AGBL5: variants seen among roughly 807,000 people sequenced by gnomAD.
The protein encoded by AGBL5 is cytosolic carboxypeptidase-like protein 5.
AGBL5 carries 51 observed loss-of-function variants against 88.0 expected under a neutral mutation model. The ratio of observed to expected loss-of-function variants is 0.58; its 90% confidence interval spans 0.46 to 0.73. The LOEUF (loss-of-function observed/expected upper bound fraction) is 0.73, where lower values mean the gene tolerates loss of function less well. Ranked by LOEUF, AGBL5 falls within the 30% of genes least tolerant of loss-of-function variation. AGBL5 has a pLI of 0.00. For synonymous variants in AGBL5, 446 were observed against 438.8 expected (o/e 1.02, Z -0.21); for missense variants, 1,031 against 1,162.2 (o/e 0.89, Z 1.64).
chr2:27,058,325 T>G (rs1485862372), intron 9 of AGBL5, 75 bp from the exon 10 acceptor site: 9 of 1,543,976 alleles, frequency 5.8e-6, no homozygotes, highest in Non-Finnish European at 8.0e-6. Flanking sequence ...CCTTCCACTG[T>G]GCTGTGTACC....
Position 27,057,319 on chromosome 2 carries a change from A to AACT in AGBL5, c.1555_1557dup (p.Tyr519dup), listed in dbSNP as rs1558416716. 6.2e-7 allele frequency: 1 copy of AACT among 1,613,630 alleles called. No homozygotes were observed. Among genetic ancestry groups the AACT allele is most frequent in the Non-Finnish European group, 8.5e-7 (1 of 1,179,778 alleles). On this transcript the variant is annotated inframe_insertion, in exon 9 of 15. Coordinates refer to ENST00000360131, the MANE Select transcript of AGBL5 (RefSeq NM_021831.6). ...ATGTCTTAGCTACACACTTGAATGC[A>AACT]ACTACAACACTGGACGCTCAGTAAA...
intron 13 of AGBL5, chr2:27,069,287 G>A: frequency 1.0e-6 from 1 of 985,406 alleles, no homozygotes. Flanking sequence ...TTTCTACACA[G>A]TGTTTCTCTA....
At chr2:27,063,240 G>C (rs1248267059) in intron 11 of AGBL5, among the ~76,000 whole-genome samples, 4 of 152,202 alleles carry the variant, frequency 2.6e-5, no homozygotes, top group Non-Finnish European at 4.4e-5. Context: ...CTGCCACTTA[G>C]TAAGTGAACA....
chr2:27,051,189 A>AT (rs1184544198), upstream of AGBL5, among the ~76,000 whole-genome samples: 1 of 152,174 alleles, frequency 6.6e-6, no homozygotes, highest in Non-Finnish European at 1.5e-5. Flanking sequence ...CCTGTAAGGC[A>AT]AAGGGAAAGA....
At position 27,067,494 on chromosome 2, in the gene AGBL5, A is replaced by G; in HGVS notation, c.2090A>G (p.Glu697Gly). 1 of 1,613,644 alleles carries G rather than the reference A, an allele frequency of 6.2e-7. No homozygotes were observed. The highest frequency in any genetic ancestry group is 8.5e-7 in the Non-Finnish European group (1 of 1,179,704). ...VTHRVLGPVR[E>G]PRSQDRRRQQ... ...ATCTGCTTGTATCTCTTCCACTCAG[A>G]GCCCCGAAGCCAGGACAGGAGACGG... Residue 697 changes from glutamate (E) to glycine (G), a missense_variant and splice_region_variant, in exon 12 of 15, where the codon GAG becomes GGG. Glu to Gly is a moderately conservative substitution (Grantham distance 98). This residue lies in a region of AGBL5 where 491 missense variants were observed against 484.0 expected (regional missense o/e 1.01). Transcript: ENST00000360131.
chr2:27,067,766 T>C, intron 12 of AGBL5, 120 bp downstream of exon 12: 1 of 1,089,496 alleles, frequency 9.2e-7, no homozygotes, highest in East Asian at 2.4e-5. Flanking sequence ...CCTAAACCTC[T>C]AACACTGGTG....
chr2:27,050,424 C>T (rs1487198392), upstream of AGBL5, among the ~76,000 whole-genome samples: 4 of 152,242 alleles, frequency 2.6e-5, no homozygotes, highest in African/African-American at 9.6e-5. Flanking sequence ...GTTTGCGCGT[C>T]GCGGTCGCAA....
chr2:27,052,177 C>G (rs1668188947), intron 1 of AGBL5: 1 of 152,278 alleles, frequency 6.6e-6, no homozygotes, highest in Non-Finnish European at 1.5e-5. Context: ...TCATCCACAG[C>G]TACTAGGGTA....
chr2:27,053,530 C>A lies in AGBL5; in HGVS notation c.344C>A (p.Thr115Asn), dbSNP rs779655233. Reference protein sequence around the residue: ...GMAPFVRTLPTRPRWERIRDR... With the variant: ...GMAPFVRTLPNRPRWERIRDR... ...GCCCCCTTTGTGCGCACACTGCCCA[C>A]CCGGCCACGCTGGGAACGCATTCGA... Residue 115 changes from threonine (T) to asparagine (N), a missense_variant, in exon 3 of 15, where the codon ACC (threonine) becomes AAC (asparagine). Physicochemically the swap from Thr to Asn is moderately conservative, Grantham distance 65. Coordinates refer to ENST00000360131, the MANE Select transcript of AGBL5 (RefSeq NM_021831.6). The surrounding 1 kb of genome is among the most constrained non-coding windows in gnomAD (Gnocchi z 4.9). 7 of 1,613,928 alleles carry A rather than the reference C, an allele frequency of 4.3e-6. No homozygotes were observed. The highest frequency in any genetic ancestry group is 5.9e-6 in the Non-Finnish European group (7 of 1,180,018).
At chr2:27,054,229 C>T (rs1024333471) in intron 4 of AGBL5, 170 bp downstream of exon 4, 2 of 810,538 alleles carry the variant, frequency 2.5e-6, no homozygotes, top group South Asian at 2.1e-5. Context: ...TCTGTATGAC[C>T]CTGATCTCAG....
At chr2:27,056,318 A>G in intron 7 of AGBL5, 180 bp downstream of exon 7, 1 of 656,150 alleles carries the variant, frequency 1.5e-6, no homozygotes, top group African/African-American at 1.8e-5. Flanking sequence ...TAATGTCTCA[A>G]TTGTTACATC....
At position 27,055,072 on chromosome 2, in the gene AGBL5, C is replaced by G. The variant is rs1668361597; in HGVS notation, c.730-3C>G. The G allele has an allele frequency of 1.2e-6, 2 of 1,613,702 alleles. No individual in the cohort carries two copies. The highest frequency in any genetic ancestry group is 1.7e-6 in the Non-Finnish European group (2 of 1,179,610). The stretch of plus-strand genomic sequence containing the variant: ...TTAATGTCTGCTCTCCTCTCTACCT[C>G]AGATATTCTTCTTAAGCAGTAGAGT... On this transcript the variant is annotated splice_polypyrimidine_tract_variant and splice_region_variant and intron_variant, in intron 5 of 14. Coordinates refer to ENST00000360131, the MANE Select transcript of AGBL5 (RefSeq NM_021831.6).
Position 27,053,636 on chromosome 2 carries a change from G to A in AGBL5, c.387+63G>A, listed in dbSNP as rs552810227. On this transcript the variant is annotated intron_variant, in intron 3 of 14. Transcript: ENST00000360131. This position sits in a 1 kb window ranked among gnomAD's most constrained non-coding sequence, Gnocchi z 4.9. ...CTAAAAGTAGAGAGGAAAGTAAAGC[G>A]TTTTTTTTTCCTTGATACAAGTATG... The A allele has an allele frequency of 5.7e-5, 87 of 1,519,720 alleles. 1 individual carries two copies. In the East Asian group the frequency reaches 1.4e-3, roughly 25 times the overall value. The allele number at this position is 1,519,720 out of a possible 1,614,324, so 94.1% of individuals were successfully genotyped here.
chr2:27,054,977 C>T, intron 5 of AGBL5, 98 bp from the exon 6 acceptor site: 6 of 1,496,166 alleles, frequency 4.0e-6, no homozygotes, highest in Admixed American at 1.9e-5. Flanking sequence ...GCTGGAAATC[C>T]AGCGGCTATT....
intron 4 of AGBL5, chr2:27,054,365 C>A: frequency 1.8e-6 from 1 of 554,426 alleles, no homozygotes; most frequent in South Asian, 2.6e-5. Context: ...TATCTGCCCC[C>A]ACGGAGAACA....
At chr2:27,060,962 T>G (rs1404941600) in intron 11 of AGBL5, 1 of 152,250 alleles carries the variant, frequency 6.6e-6, no homozygotes, top group African/African-American at 2.4e-5. Flanking sequence ...TTAAGAGTGG[T>G]TTCTCCAAGA....
chr2:27,054,175 C>G, intron 4 of AGBL5, 116 bp downstream of exon 4: 1 of 1,295,892 alleles, frequency 7.7e-7, no homozygotes, highest in African/African-American at 1.5e-5. Flanking sequence ...TTTTTCTGTA[C>G]AGAATGTACA....
chr2:27,067,511 A>T lies in AGBL5; in HGVS notation c.2107A>T (p.Arg703Trp), dbSNP rs1233229079. ...GPVREPRSQD[R>W]RRQQQPLNHR... is the part of the protein sequence containing the mutation. Reference sequence around the variant, plus strand: ...CCACTCAGAGCCCCGAAGCCAGGACAGGAGACGGCAGCAGCAGCCCCTGAA... The same window carrying T: ...CCACTCAGAGCCCCGAAGCCAGGACTGGAGACGGCAGCAGCAGCCCCTGAA... The change falls in exon 12 of 15, where the codon AGG (arginine) becomes TGG (tryptophan). Residue 703 changes from arginine to tryptophan, a missense_variant. Coordinates refer to ENST00000360131, the MANE Select transcript of AGBL5 (RefSeq NM_021831.6). 4 of 1,613,950 alleles carry T rather than the reference A, an allele frequency of 2.5e-6. No homozygotes were observed. The African/African-American group carries it at 5.3e-5, about 22-fold the overall frequency.
rs141571521 is a variant in AGBL5, at chr2:27,055,172, G to A, written c.827G>A (p.Arg276Gln). Residue 276 changes from arginine to glutamine, a missense_variant, in exon 6 of 15, where the codon CGG (arginine) becomes CAG (glutamine). Arg to Gln is a conservative substitution (Grantham distance 43, BLOSUM62 1). Coordinates refer to ENST00000360131, the MANE Select transcript of AGBL5 (RefSeq NM_021831.6). The stretch of plus-strand genomic sequence containing the variant: ...TTCATCCTCCGACCTGATGATCCCC[G>A]GGCCCAAACCCTCCGTCGCCTCTTC... ...LDFILRPDDP[R>Q]AQTLRRLFVF... 13 of 1,614,046 alleles carry A rather than the reference G, an allele frequency of 8.1e-6. No individual in the cohort carries two copies. The highest frequency in any genetic ancestry group is 5.0e-5 in the Admixed American group (3 of 60,008).
Sources: gnomAD v4.1 joint callset for allele counts (sites outside exome capture counted in the v4.1 genomes callset) on GRCh38, gnomAD v4.1.1 for gene constraint, gnomAD v4.1.1 regional missense constraint, Gnocchi (gnomAD v3.1) non-coding constraint, MANE v1.5 for transcripts, NCBI Gene and HGNC (gene_info 2026-07-23, HGNC 2026-07-21) for gene names.